The following FBN1 variants were observed in gnomAD, a reference collection of about 807,000 sequenced individuals.
The protein encoded by FBN1 is fibrillin 1, also known as fibrillin-1.
A neutral mutation model predicts 365.1 loss-of-function variants in FBN1; 29 were observed. That is an observed-to-expected ratio of 0.08 (90% CI 0.06 to 0.11). The LOEUF (loss-of-function observed/expected upper bound fraction) is 0.11. FBN1 is among the 10% of genes least tolerant of loss of function. The pLI is 1.00. For missense variants in FBN1, 2,476 were observed against 3,703.2 expected (o/e 0.67, Z 8.60); for synonymous variants, 1,210 against 1,270.5 (o/e 0.95, Z 1.01).
chr15:48,420,090 G>A (rs1470690407), intron 63 of FBN1, among the ~76,000 whole-genome samples: 3 of 152,166 alleles, frequency 2.0e-5, no homozygotes, highest in Non-Finnish European at 4.4e-5. Context: ...TGCATTAAGA[G>A]TTATTTTCCC....
At chr15:48,466,013 T>G (rs896887668) in intron 38 of FBN1, among the ~76,000 whole-genome samples, 155 bp from the exon 39 acceptor site, 2 of 152,244 alleles carry the variant, frequency 1.3e-5, no homozygotes, top group African/African-American at 4.8e-5. Flanking sequence ...AACACCTTTG[T>G]GTACACTTCC....
At chr15:48,508,915 A>G (rs754170515) in intron 14 of FBN1, among the ~76,000 whole-genome samples, 1 of 152,246 alleles carries the variant, frequency 6.6e-6, no homozygotes, top group Non-Finnish European at 1.5e-5. Context: ...TGGCATGTGC[A>G]TGCAAACTCT....
intron 63 of FBN1, among the ~76,000 whole-genome samples, chr15:48,419,035 G>A (rs1386331488): frequency 6.6e-6 from 1 of 152,178 alleles, no homozygotes; most frequent in Non-Finnish European, 1.5e-5. Context: ...ACCTGGGAGT[G>A]AGGATCCAGG....
intron 5 of FBN1, among the ~76,000 whole-genome samples, chr15:48,599,004 C>A (rs1045719880): frequency 1.3e-5 from 2 of 152,116 alleles, no homozygotes; most frequent in Non-Finnish European, 2.9e-5. Flanking sequence ...CCATGTAAGA[C>A]GTGACTTGTT....
chr15:48,577,261 C>T (rs367649635), intron 6 of FBN1, among the ~76,000 whole-genome samples: 1 of 152,136 alleles, frequency 6.6e-6, no homozygotes, highest in Non-Finnish European at 1.5e-5. Flanking sequence ...CCTGTGAGCA[C>T]TTGCTGTACA....
In FBN1 at chr15:48,596,276, C is replaced by T. The variant is rs2044514737; in HGVS notation, c.538+7G>A. ...GTCTTTACGTAAATGATTTTAAAAA[C>T]CATTACCTCTTTCACACTGGGGTCC... On this transcript the variant is annotated splice_region_variant and intron_variant, in intron 6 of 65. Coordinates refer to ENST00000316623, the MANE Select transcript of FBN1 (RefSeq NM_000138.5). 1 of 1,612,352 alleles carries T rather than the reference C, an allele frequency of 6.2e-7. No individual in the cohort carries two copies.
chr15:48,498,876 G>A (rs2043631659), intron 18 of FBN1, 109 bp downstream of exon 18: 1 of 1,039,994 alleles, frequency 9.6e-7, no homozygotes, highest in Non-Finnish European at 1.5e-6. Flanking sequence ...GATGGCCAGA[G>A]AGGGAGTCAG....
At chr15:48,466,036 G>C (rs1291723449) in intron 38 of FBN1, among the ~76,000 whole-genome samples, 178 bp from the exon 39 acceptor site, 1 of 152,148 alleles carries the variant, frequency 6.6e-6, no homozygotes, top group Non-Finnish European at 1.5e-5. Context: ...TTTTCCAGTG[G>C]TTTTTATTAT....
intron 45 of FBN1, 32 bp from the exon 46 acceptor site, chr15:48,448,925 T>C: frequency 6.3e-7 from 1 of 1,584,466 alleles, no homozygotes; most frequent in Non-Finnish European, 8.7e-7. Flanking sequence ...AGTGAGAACT[T>C]AGAAGACAAA....
At chr15:48,457,517 A>G (rs1212276866) in intron 43 of FBN1, among the ~76,000 whole-genome samples, 1 of 152,116 alleles carries the variant, frequency 6.6e-6, no homozygotes, top group Non-Finnish European at 1.5e-5. Flanking sequence ...CCAGGCTGCT[A>G]AGGCAGGGCT....
intron 4 of FBN1, among the ~76,000 whole-genome samples, chr15:48,606,148 C>T (rs2044606960): frequency 6.6e-6 from 1 of 152,072 alleles, no homozygotes; most frequent in Admixed American, 6.6e-5. Context: ...GTACATACGG[C>T]GACTCCAAAA....
At chr15:48,565,201 A>T (rs1431143329) in intron 6 of FBN1, among the ~76,000 whole-genome samples, 1 of 152,226 alleles carries the variant, frequency 6.6e-6, no homozygotes, top group East Asian at 1.9e-4. Context: ...CATGGTGTAT[A>T]GTAAGTGCAT....
intron 6 of FBN1, among the ~76,000 whole-genome samples, chr15:48,570,808 T>C (rs1465974142): frequency 2.6e-5 from 4 of 152,314 alleles, no homozygotes; most frequent in East Asian, 3.9e-4. Context: ...CTGGTGTGAA[T>C]GTGCTGACCA....
rs1026793539 is a variant in FBN1, at chr15:48,420,740, C to T, written c.7766G>A (p.Arg2589Lys). ...GAGGTAGCCCTGGGGGCAGCTGCAC[C>T]TGTAGCCCCCAATGATGTTCTGGCA... ...HGCQNIIGGY[R>K]CSCPQGYLQH... Residue 2589 changes from arginine (R) to lysine (K), a missense_variant, in exon 63 of 66, where the codon AGG becomes AAG. Arg to Lys is a conservative substitution (Grantham distance 26). Transcript: ENST00000316623. The T allele has an allele frequency of 6.2e-7, 1 of 1,614,126 alleles. No homozygotes were observed. The highest frequency in any genetic ancestry group is 8.5e-7 in the Non-Finnish European group (1 of 1,180,002).
intron 18 of FBN1, among the ~76,000 whole-genome samples, chr15:48,498,297 C>A (rs1160452773): frequency 6.6e-6 from 1 of 152,118 alleles, no homozygotes; most frequent in Non-Finnish European, 1.5e-5. Flanking sequence ...CATTTTCATT[C>A]ACGCACAATG....
At chr15:48,471,613 C>T (rs1226092917) in intron 35 of FBN1, among the ~76,000 whole-genome samples, 4 of 152,134 alleles carry the variant, frequency 2.6e-5, no homozygotes, top group South Asian at 2.1e-4. Flanking sequence ...GAACACCCAA[C>T]GGTTCCATAA....
intron 5 of FBN1, among the ~76,000 whole-genome samples, chr15:48,599,686 T>C (rs1298250372): frequency 6.6e-6 from 1 of 152,072 alleles, no homozygotes; most frequent in African/African-American, 2.4e-5. Context: ...GAATCTAGAT[T>C]AGGAAATGAG....
At chr15:48,457,793 T>C in intron 43 of FBN1, among the ~76,000 whole-genome samples, 1 of 152,140 alleles carries the variant, frequency 6.6e-6, no homozygotes, top group East Asian at 1.9e-4. Context: ...CTCGGTACTA[T>C]GACTATTCTA....
chr15:48,634,857 C>CCACACACACACA (rs57811526), intron 2 of FBN1, among the ~76,000 whole-genome samples: 4 of 69,158 alleles, frequency 5.8e-5, no homozygotes, highest in Admixed American at 1.9e-4. Context: ...AAAAAAAAAA[C>CCACACACACACA]CACACACACA....
Sources: allele counts gnomAD v4.1 joint callset (sites outside exome capture counted in the v4.1 genomes callset), GRCh38; gene constraint gnomAD v4.1.1; transcripts MANE v1.5; gene names NCBI Gene and HGNC (gene_info 2026-07-23, HGNC 2026-07-21).